FAR2: variants seen among roughly 807,000 people sequenced by gnomAD.
The protein encoded by FAR2 is fatty acyl-CoA reductase 2, also known as epididymis secretory protein Li 81.
Under a neutral mutation model 56.0 loss-of-function variants are expected in FAR2, and 19 were observed. The observed-to-expected ratio is 0.34, with a 90% CI of 0.24 to 0.50. The LOEUF (loss-of-function observed/expected upper bound fraction) is 0.50, where lower values mean the gene tolerates loss of function less well. Among genes scored for constraint, FAR2 ranks in the 20% least tolerant of loss-of-function variants. The pLI, the probability that FAR2 is intolerant of heterozygous loss-of-function variation, is 0.98. For missense variants in FAR2, 508 were observed against 642.2 expected, an observed-to-expected ratio of 0.79 and a Z score of 2.26; for synonymous variants, 219 against 218.8, an observed-to-expected ratio of 1.00 and a Z score of -0.01.
At chr12:29,205,549 A>G (rs1358810009) in intron 1 of FAR2, among the ~76,000 whole-genome samples, 5 of 152,254 alleles carry the variant, frequency 3.3e-5, no homozygotes. Context: ...ATGTGGTGAT[A>G]GTGCAGCCAA....
At chr12:29,260,913 C>T (rs984069651) in intron 1 of FAR2, among the ~76,000 whole-genome samples, 3 of 152,194 alleles carry the variant, frequency 2.0e-5, no homozygotes, top group Non-Finnish European at 2.9e-5. Flanking sequence ...GACTGTGCAA[C>T]AGCCACAGTG....
intron 1 of FAR2, among the ~76,000 whole-genome samples, chr12:29,269,614 G>A (rs1235329442): frequency 6.6e-6 from 1 of 152,200 alleles, no homozygotes; most frequent in Non-Finnish European, 1.5e-5. Context: ...TACAATTTAT[G>A]TTTAGAGATT....
chr12:29,273,290 G>A (rs1948650280), intron 2 of FAR2, among the ~76,000 whole-genome samples: 1 of 152,182 alleles, frequency 6.6e-6, no homozygotes, highest in Non-Finnish European at 1.5e-5. Context: ...TCCCCTTAGG[G>A]GCTCAGGACC....
chr12:29,310,964 A>ATACTT, intron 6 of FAR2, 64 bp from the exon 7 acceptor site: 1 of 1,218,972 alleles, frequency 8.2e-7, no homozygotes. Flanking sequence ...TTGATGATAC[A>ATACTT]TACTTTAGCC....
At chr12:29,159,650 G>T (rs183147961) in intron 1 of FAR2, among the ~76,000 whole-genome samples, 4 of 152,300 alleles carry the variant, frequency 2.6e-5, no homozygotes, top group African/African-American at 9.6e-5. Flanking sequence ...AGGCTTGGGG[G>T]TTATTAGCTT....
At chr12:29,202,997 C>A (rs1320435949) in intron 1 of FAR2, among the ~76,000 whole-genome samples, 1 of 152,124 alleles carries the variant, frequency 6.6e-6, no homozygotes, top group African/African-American at 2.4e-5. Context: ...ATCTGAGAAT[C>A]ATAAAAGAAA....
chr12:29,184,813 T>C (rs1358985678), intron 1 of FAR2, among the ~76,000 whole-genome samples: 2 of 152,184 alleles, frequency 1.3e-5, no homozygotes, highest in Non-Finnish European at 2.9e-5. Flanking sequence ...ACCCCAACCC[T>C]CAAAATTTGT....
intron 1 of FAR2, chr12:29,224,024 A>G (rs1947729498): frequency 1.3e-5 from 2 of 152,216 alleles, no homozygotes; most frequent in South Asian, 4.1e-4. Flanking sequence ...CTTGGTCTGC[A>G]CTGTAGATCA....
At chr12:29,166,943 C>T (rs916176722) in intron 1 of FAR2, among the ~76,000 whole-genome samples, 1 of 152,204 alleles carries the variant, frequency 6.6e-6, no homozygotes, top group African/African-American at 2.4e-5. Flanking sequence ...TGAGCTTCCT[C>T]TGGATCTTGC....
intron 6 of FAR2, among the ~76,000 whole-genome samples, chr12:29,309,574 G>C (rs1949311698): frequency 6.6e-6 from 1 of 152,020 alleles, no homozygotes; most frequent in Admixed American, 6.6e-5. Flanking sequence ...AGTGAATTGA[G>C]GATGCAGTAA....
At chr12:29,221,395 T>C (rs1365419770) in intron 1 of FAR2, among the ~76,000 whole-genome samples, 2 of 152,156 alleles carry the variant, frequency 1.3e-5, no homozygotes, top group African/African-American at 4.8e-5. Flanking sequence ...CCTGACCAGC[T>C]ACCTACTGTA....
intron 2 of FAR2, among the ~76,000 whole-genome samples, 192 bp downstream of exon 2, chr12:29,270,830 C>G (rs1948606147): frequency 1.3e-5 from 2 of 152,188 alleles, no homozygotes; most frequent in African/African-American, 4.8e-5. Context: ...GAAAAGAGTG[C>G]TTAGTTTCAG....
intron 1 of FAR2, among the ~76,000 whole-genome samples, chr12:29,166,551 A>G (rs1424880671): frequency 2.0e-5 from 3 of 152,234 alleles, no homozygotes; most frequent in African/African-American, 7.2e-5. Flanking sequence ...ATATTTATCA[A>G]ATATGTGGCT....
At chr12:29,290,164 G>A (rs1431965343) in intron 2 of FAR2, among the ~76,000 whole-genome samples, 1 of 152,102 alleles carries the variant, frequency 6.6e-6, no homozygotes, top group Admixed American at 6.5e-5. Context: ...ATACCATATG[G>A]GCCAGGTGTG....
At chr12:29,174,475 C>T (rs1022602702) in intron 1 of FAR2, among the ~76,000 whole-genome samples, 2 of 120,200 alleles carry the variant, frequency 1.7e-5, no homozygotes, top group Admixed American at 1.0e-4. Context: ...CTTGCTGTGT[C>T]ACCCAGGCTA....
chr12:29,259,000 T>A (rs1269807402), intron 1 of FAR2, among the ~76,000 whole-genome samples: 2 of 152,238 alleles, frequency 1.3e-5, no homozygotes, highest in Non-Finnish European at 2.9e-5. Context: ...TGTAATTAGT[T>A]ATGAATGATT....
rs1412988947 is a variant in FAR2 at position 29,202,109 on chromosome 12, ATTAG to A, written c.-39+52706_-39+52709del. On this transcript the variant is annotated intron_variant, in intron 1 of 11. Coordinates refer to ENST00000536681, the MANE Select transcript of FAR2 (RefSeq NM_001271783.2). ...ATCTTCAGTGCTCTAAGTGCTTTATATTAGTTATACTTATTGCTAATTTATTATT... is the reference window on the plus strand; with the variant it reads ...ATCTTCAGTGCTCTAAGTGCTTTATATTATACTTATTGCTAATTTATTATT... Among the ~76,000 whole-genome samples, 6 of 148,846 alleles carry A rather than the reference ATTAG, an allele frequency of 4.0e-5. 1 individual carries two copies. In the Admixed American group the frequency reaches 4.1e-4, roughly 10 times the overall value.
At chr12:29,318,986 TTTTTC>T (rs1053845040) in intron 9 of FAR2, among the ~76,000 whole-genome samples, 16 of 151,474 alleles carry the variant, frequency 1.1e-4, no homozygotes, top group Admixed American at 8.5e-4. Flanking sequence ...TTTTTTTTTC[TTTTTC>T]TTTTTTCTTT....
intron 2 of FAR2, among the ~76,000 whole-genome samples, chr12:29,272,380 G>T (rs909156854): frequency 1.3e-5 from 2 of 152,076 alleles, no homozygotes; most frequent in Non-Finnish European, 2.9e-5. Context: ...TCAGTAAGGT[G>T]GTCTTTAAAC....
Sources: gnomAD v4.1 joint callset for allele counts (sites outside exome capture counted in the v4.1 genomes callset) on GRCh38, gnomAD v4.1.1 for gene constraint, MANE v1.5 for transcripts, NCBI Gene and HGNC (gene_info 2026-07-23, HGNC 2026-07-21) for gene names.